The following SAMD3 variants were observed in gnomAD, a reference collection of about 807,000 sequenced individuals.
The protein encoded by SAMD3 is sterile alpha motif domain containing 3, also known as sterile alpha motif domain-containing protein 3.
A neutral mutation model predicts 58.5 loss-of-function variants in SAMD3; 63 were observed. The observed-to-expected ratio is 1.08, with a 90% CI of 0.88 to 1.33. SAMD3 has a LOEUF of 1.33. Among genes scored for constraint, SAMD3 ranks in the 40% most tolerant of loss-of-function variants. SAMD3 has a pLI of 0.00. For synonymous variants in SAMD3, 220 were observed against 210.3 expected (o/e 1.05, Z -0.40); for missense variants, 604 against 608.4 (o/e 0.99, Z 0.08).
intron 7 of SAMD3, among the ~76,000 whole-genome samples, chr6:130,178,602 C>A (rs1445559985): frequency 2.0e-5 from 3 of 152,170 alleles, no homozygotes; most frequent in Non-Finnish European, 4.4e-5. Flanking sequence ...TGAGAGTAAT[C>A]CCTGAAAGCA....
intron 1 of SAMD3, among the ~76,000 whole-genome samples, chr6:130,220,995 G>T (rs534507236): frequency 3.9e-5 from 6 of 152,070 alleles, no homozygotes; most frequent in South Asian, 2.1e-4. Context: ...CTGGGACTAC[G>T]GGTGCCCACC....
upstream of SAMD3, among the ~76,000 whole-genome samples, chr6:130,223,382 T>C (rs1404042695): frequency 6.6e-6 from 1 of 152,216 alleles, no homozygotes; most frequent in Admixed American, 6.5e-5. Context: ...TAGCTCAGTG[T>C]GTACGTGATA....
chr6:130,151,854 A>AT (rs1282599116), intron 9 of SAMD3, among the ~76,000 whole-genome samples: 1 of 152,118 alleles, frequency 6.6e-6, no homozygotes, highest in African/African-American at 2.4e-5. Flanking sequence ...ATCTGAAAGG[A>AT]TTTTTTGGAA....
chr6:130,258,161 T>C (rs1413420210), intron 2 of SAMD3, among the ~76,000 whole-genome samples: 2 of 152,188 alleles, frequency 1.3e-5, no homozygotes, highest in African/African-American at 4.8e-5. Context: ...CTTGTATGTA[T>C]CTTTTGATCT....
intron 7 of SAMD3, among the ~76,000 whole-genome samples, chr6:130,182,438 A>T (rs964519247): frequency 6.6e-6 from 1 of 152,196 alleles, no homozygotes; most frequent in Non-Finnish European, 1.5e-5. Flanking sequence ...GAGTGGTGAA[A>T]AAAACCTTTA....
intron 2 of SAMD3, among the ~76,000 whole-genome samples, chr6:130,228,039 A>G (rs1796433347): frequency 6.6e-6 from 1 of 152,226 alleles, no homozygotes; most frequent in Non-Finnish European, 1.5e-5. Flanking sequence ...AGTTACACTT[A>G]AGGATACCAG....
At chr6:130,308,393 C>CTATTCTATT (rs1776005516) in intron 2 of SAMD3, among the ~76,000 whole-genome samples, 8 of 146,100 alleles carry the variant, frequency 5.5e-5, no homozygotes, top group Admixed American at 1.4e-4. Flanking sequence ...CTATTCTATT[C>CTATTCTATT]TATTCTATTC....
chr6:130,315,860 A>G (rs1223679012), intron 1 of SAMD3, among the ~76,000 whole-genome samples: 1 of 152,234 alleles, frequency 6.6e-6, no homozygotes, highest in Non-Finnish European at 1.5e-5. Flanking sequence ...TCCCCAAAGT[A>G]GGATCCCCTG....
intron 2 of SAMD3, among the ~76,000 whole-genome samples, chr6:130,228,180 G>A (rs17058533): frequency 0.13 from 20,300 of 152,076 alleles, 1,611 homozygotes; most frequent in East Asian, 0.36. Flanking sequence ...AAGCCAGATG[G>A]ATATCTTAAC....
At chr6:130,226,423 T>C (rs1476613377), upstream of SAMD3, among the ~76,000 whole-genome samples, 1 of 152,238 alleles carries the variant, frequency 6.6e-6, no homozygotes, top group East Asian at 1.9e-4. Flanking sequence ...AGATTTATTA[T>C]GATTTATTTC....
intron 11 of SAMD3, 80 bp from the exon 12 acceptor site, chr6:130,144,884 C>A: frequency 8.0e-7 from 1 of 1,251,394 alleles, no homozygotes; most frequent in Admixed American, 2.4e-5. Flanking sequence ...CATGGTATTA[C>A]AATAAATCAG....
intron 2 of SAMD3, among the ~76,000 whole-genome samples, chr6:130,228,196 G>A (rs1796437979): frequency 6.6e-6 from 1 of 152,188 alleles, no homozygotes. Flanking sequence ...TTAACAAAGA[G>A]TTCACAACTC....
chr6:130,255,784 A>G (rs954607334), intron 2 of SAMD3, among the ~76,000 whole-genome samples: 3 of 151,304 alleles, frequency 2.0e-5, no homozygotes, highest in Non-Finnish European at 4.4e-5. Context: ...GTGAGCCACC[A>G]CACCTGACCC....
intron 2 of SAMD3, among the ~76,000 whole-genome samples, chr6:130,288,766 G>C (rs1376360844): frequency 1.3e-5 from 2 of 152,224 alleles, no homozygotes; most frequent in Non-Finnish European, 2.9e-5. Context: ...ACTTAGGTGA[G>C]TGGGAGAGTA....
intron 1 of SAMD3, among the ~76,000 whole-genome samples, chr6:130,349,224 A>C (rs1777566833): frequency 6.6e-6 from 1 of 152,240 alleles, no homozygotes; most frequent in Admixed American, 6.5e-5. Context: ...GAAATAACTA[A>C]GATCAGAGCA....
chr6:130,256,568 G>T (rs1773934004), intron 2 of SAMD3, among the ~76,000 whole-genome samples: 1 of 151,926 alleles, frequency 6.6e-6, no homozygotes, highest in Non-Finnish European at 1.5e-5. Flanking sequence ...AATTTGTATT[G>T]CTGCATGTCA....
intron 2 of SAMD3, among the ~76,000 whole-genome samples, chr6:130,264,163 C>A (rs1389291663): frequency 6.6e-6 from 1 of 152,178 alleles, no homozygotes; most frequent in Non-Finnish European, 1.5e-5. Context: ...GTCCTCCAGT[C>A]GACCATGCAT....
intron 9 of SAMD3, among the ~76,000 whole-genome samples, chr6:130,151,426 T>G (rs1418405525): frequency 1.3e-5 from 2 of 152,082 alleles, no homozygotes; most frequent in African/African-American, 4.8e-5. Context: ...CTCAAATTCT[T>G]TATTTTTTAA....
At chr6:130,259,357 C>T (rs1218111063) in intron 2 of SAMD3, among the ~76,000 whole-genome samples, 1 of 152,138 alleles carries the variant, frequency 6.6e-6, no homozygotes, top group Admixed American at 6.6e-5. Flanking sequence ...GTGCAGTGAT[C>T]ACATGGTGAG....
Sources: allele counts gnomAD v4.1 joint callset (sites outside exome capture counted in the v4.1 genomes callset), GRCh38; gene constraint gnomAD v4.1.1; transcripts MANE v1.5; gene names NCBI Gene and HGNC (gene_info 2026-07-23, HGNC 2026-07-21).